Variants in PAPPA observed in about 807,000 individuals in gnomAD.
The protein encoded by PAPPA is pappalysin 1, also known as pappalysin-1.
A neutral mutation model predicts 164.0 loss-of-function variants in PAPPA; 60 were observed. The ratio of observed to expected loss-of-function variants is 0.37; its 90% confidence interval spans 0.30 to 0.45. The LOEUF is 0.45. Among genes scored for constraint, PAPPA ranks in the 20% least tolerant of loss-of-function variants. The probability of loss-of-function intolerance (pLI) is 1.00; values close to 1 mark genes in which losing one functional copy is unlikely to be tolerated. For synonymous variants in PAPPA, 875 were observed against 814.1 expected (o/e 1.07, Z -1.27); for missense variants, 1,782 against 2,087.3 (o/e 0.85, Z 2.85).
chr9:116,198,791 T>C (rs746725289), intron 2 of PAPPA, among the ~76,000 whole-genome samples: 1 of 152,210 alleles, frequency 6.6e-6, no homozygotes, highest in Non-Finnish European at 1.5e-5. Context: ...ATAGCAGCTG[T>C]GTAGTTTCTA....
intron 18 of PAPPA, among the ~76,000 whole-genome samples, chr9:116,365,536 C>T (rs1197604847): frequency 7.5e-6 from 1 of 133,600 alleles, no homozygotes; most frequent in Non-Finnish European, 1.6e-5. Flanking sequence ...GCAAGTGTCT[C>T]CTGTTTTGAC....
At chr9:116,191,081 AT>A in intron 2 of PAPPA, among the ~76,000 whole-genome samples, 1 of 152,312 alleles carries the variant, frequency 6.6e-6, no homozygotes, top group African/African-American at 2.4e-5. Flanking sequence ...TGGGAGAGTC[AT>A]GATTACATGG....
intron 10 of PAPPA, among the ~76,000 whole-genome samples, chr9:116,320,042 A>G (rs939520125): frequency 1.3e-5 from 2 of 152,344 alleles, no homozygotes; most frequent in Non-Finnish European, 2.9e-5. Flanking sequence ...GAATTTAATG[A>G]GTAGTCTCTA....
At chr9:116,185,055 G>C (rs1400334255) in intron 1 of PAPPA, among the ~76,000 whole-genome samples, 1 of 152,198 alleles carries the variant, frequency 6.6e-6, no homozygotes, top group Non-Finnish European at 1.5e-5. Flanking sequence ...ACTATTCACA[G>C]GGAAGTCAGG....
At position 116,174,606 on chromosome 9, in the gene PAPPA, C is replaced by G. The variant is rs149787832; in HGVS notation, c.416-12548C>G. On this transcript the variant is annotated intron_variant, in intron 1 of 21. Coordinates refer to ENST00000328252, the MANE Select transcript of PAPPA (RefSeq NM_002581.5). ...GATGAAAACAAGGCTGATGACTCAC[C>G]TGTTAGACACAGTTGGCACAGTGCC... Among the ~76,000 whole-genome samples the G allele has an allele frequency of 1.8e-4, 28 of 152,270 alleles. No homozygotes were observed. The East Asian group carries it at 4.8e-3, about 26-fold the overall frequency.
intron 19 of PAPPA, among the ~76,000 whole-genome samples, chr9:116,376,373 G>GTCTTATTTAGCTT (rs1281828414): frequency 5.9e-5 from 9 of 152,100 alleles, no homozygotes; most frequent in African/African-American, 1.9e-4. Context: ...TATCTTTCTA[G>GTCTTATTTAGCTT]TCTTATTTAG....
In PAPPA at chr9:116,271,421, G is replaced by A. The variant is rs756791866; in HGVS notation, c.2953+5G>A. On this transcript the variant is annotated splice_donor_5th_base_variant and intron_variant, in intron 9 of 21. Transcript: ENST00000328252. The surrounding 1 kb of genome is among the most constrained non-coding windows in gnomAD (Gnocchi z 4.2). ...AAGTCTCCTTCAATTGTATTGGTACGTCTTTTTCATTTCTTGTGGCCTTCA... is the reference window on the plus strand; with the variant it reads ...AAGTCTCCTTCAATTGTATTGGTACATCTTTTTCATTTCTTGTGGCCTTCA... 6.9e-6 allele frequency: 11 copies of A among 1,598,606 alleles called. No individual in the cohort carries two copies. Among genetic ancestry groups the A allele is most frequent in the Admixed American group, 1.7e-5 (1 of 59,984 alleles).
intron 1 of PAPPA, among the ~76,000 whole-genome samples, chr9:116,171,203 C>T (rs1278797358): frequency 6.6e-6 from 1 of 152,174 alleles, no homozygotes; most frequent in East Asian, 1.9e-4. Context: ...CTGCTAGTCA[C>T]TTAGCCTCTG....
chr9:116,206,375 T>C (rs1262176898), intron 2 of PAPPA, among the ~76,000 whole-genome samples: 1 of 152,048 alleles, frequency 6.6e-6, no homozygotes, highest in Non-Finnish European at 1.5e-5. Flanking sequence ...CACAGCAGGG[T>C]AGAGGTGTAG....
chr9:116,280,015 G>C (rs1397767194), intron 9 of PAPPA, among the ~76,000 whole-genome samples: 2 of 152,210 alleles, frequency 1.3e-5, no homozygotes, highest in Non-Finnish European at 2.9e-5. Context: ...AAAATAAAAT[G>C]ATGGATGGGC....
At chr9:116,281,262 G>A (rs561670868) in intron 9 of PAPPA, among the ~76,000 whole-genome samples, 3 of 152,188 alleles carry the variant, frequency 2.0e-5, no homozygotes, top group Admixed American at 2.0e-4. Flanking sequence ...CTGTGTAAGC[G>A]GGTAAAAGTA....
chr9:116,227,044 A>G (rs576460045), intron 5 of PAPPA, among the ~76,000 whole-genome samples: 1 of 152,380 alleles, frequency 6.6e-6, no homozygotes, highest in Non-Finnish European at 1.5e-5. Context: ...TAAATATTGT[A>G]AAAGGAGTAA....
intron 4 of PAPPA, among the ~76,000 whole-genome samples, chr9:116,214,162 C>T (rs1031038167): frequency 2.0e-5 from 3 of 152,104 alleles, no homozygotes; most frequent in African/African-American, 4.8e-5. Flanking sequence ...GGTAACTGAA[C>T]GATTGAAATA....
chr9:116,367,432 C>G (rs1305604175), intron 18 of PAPPA, among the ~76,000 whole-genome samples: 1 of 152,134 alleles, frequency 6.6e-6, no homozygotes, highest in Non-Finnish European at 1.5e-5. Flanking sequence ...ATGAGTGTGG[C>G]AGCAGGAACC....
intron 19 of PAPPA, among the ~76,000 whole-genome samples, chr9:116,375,744 C>A (rs1846640727): frequency 6.6e-6 from 1 of 152,136 alleles, no homozygotes; most frequent in African/African-American, 2.4e-5. Flanking sequence ...CCATATAGGT[C>A]TGCCCTCAGG....
At chr9:116,254,592 C>G (rs776195382) in intron 7 of PAPPA, among the ~76,000 whole-genome samples, 62 of 151,936 alleles carry the variant, frequency 4.1e-4, no homozygotes, top group Non-Finnish European at 7.9e-4. Flanking sequence ...ACCATCCCGG[C>G]TAATACGGTG....
rs1179968817 is a variant in PAPPA at position 116,397,827 on chromosome 9, A to G, written c.*1211A>G. ...TCGAGACTTTTGGATTATTATCCTT[A>G]TCCTTATCCTAATCTTCCTAGCCCT... On this transcript the variant is annotated 3_prime_UTR_variant, in exon 22 of 22. Transcript: ENST00000328252. The G allele has an allele frequency of 1.3e-5, 2 of 152,688 alleles. No homozygotes were observed. Among genetic ancestry groups the G allele is most frequent in the African/African-American group, 4.8e-5 (2 of 41,466 alleles). The allele number at this position is 152,688 out of a possible 1,614,324, so 9.5% of individuals were successfully genotyped here. A position where few individuals can be genotyped will look rare whatever the true frequency, so the allele number is the denominator to read the frequency against.
At chr9:116,264,856 G>A (rs773197718) in intron 7 of PAPPA, among the ~76,000 whole-genome samples, 19 of 152,166 alleles carry the variant, frequency 1.2e-4, no homozygotes, top group South Asian at 4.1e-4. Context: ...GGATGTGGTC[G>A]TGTGGAATTG....
intron 9 of PAPPA, among the ~76,000 whole-genome samples, chr9:116,291,518 G>T (rs779984812): frequency 1.1e-4 from 16 of 152,180 alleles, no homozygotes; most frequent in African/African-American, 3.9e-4. Context: ...TGATAACAGA[G>T]ATTCTAAAAC....
Sources: allele counts gnomAD v4.1 joint callset (sites outside exome capture counted in the v4.1 genomes callset), GRCh38; gene constraint gnomAD v4.1.1; non-coding constraint Gnocchi (gnomAD v3.1); transcripts MANE v1.5; gene names NCBI Gene and HGNC (gene_info 2026-07-23, HGNC 2026-07-21).